Variants in SEMA3E observed in about 807,000 individuals in gnomAD.
SEMA3E encodes the protein semaphorin-3E.
SEMA3E carries 49 observed loss-of-function variants against 93.6 expected under a neutral mutation model. The observed-to-expected ratio is 0.52, with a 90% CI of 0.42 to 0.66. The LOEUF is 0.66. SEMA3E is among the 30% of genes least tolerant of loss of function. SEMA3E has a pLI of 0.00. For missense variants in SEMA3E, 906 were observed against 964.8 expected, an observed-to-expected ratio of 0.94 and a Z score of 0.81; for synonymous variants, 363 against 330.7, an observed-to-expected ratio of 1.10 and a Z score of -1.06.
At chr7:83,521,513 A>G (rs1356152557) in intron 1 of SEMA3E, among the ~76,000 whole-genome samples, 1 of 152,152 alleles carries the variant, frequency 6.6e-6, no homozygotes, top group Middle Eastern at 3.2e-3. Context: ...TTTAAACATG[A>G]GCACTGGCAT....
chr7:83,374,600 C>A (rs1240473126), intron 16 of SEMA3E, among the ~76,000 whole-genome samples: 8 of 152,008 alleles, frequency 5.3e-5, no homozygotes, highest in Middle Eastern at 6.8e-3. Context: ...AACAGTCAAG[C>A]AATGAAATAG....
chr7:83,535,957 G>A (rs1239460587), intron 1 of SEMA3E, among the ~76,000 whole-genome samples: 28 of 152,060 alleles, frequency 1.8e-4, no homozygotes, highest in Non-Finnish European at 1.5e-5. Context: ...AAACCAAGCA[G>A]GATCTCGTTA....
At chr7:83,418,261 C>G in intron 5 of SEMA3E, 129 bp downstream of exon 5, 1 of 738,714 alleles carries the variant, frequency 1.4e-6, no homozygotes, top group Non-Finnish European at 2.4e-6. Context: ...ATCATTGCTT[C>G]GAGCATCAGA....
At chr7:83,569,371 A>T (rs940476320) in intron 1 of SEMA3E, among the ~76,000 whole-genome samples, 1 of 152,156 alleles carries the variant, frequency 6.6e-6, no homozygotes, top group African/African-American at 2.4e-5. Context: ...AAATGACAGG[A>T]TCAAAATTTC....
intron 1 of SEMA3E, among the ~76,000 whole-genome samples, chr7:83,539,845 T>TTTGTTTTG (rs148304621): frequency 0.31 from 32,200 of 102,256 alleles, 3,726 homozygotes; most frequent in East Asian, 0.52. Context: ...TTTGTTTTGT[T>TTTGTTTTG]TTGTTGTTTC....
chr7:83,440,999 T>C (rs1789102758), intron 4 of SEMA3E, among the ~76,000 whole-genome samples: 1 of 152,164 alleles, frequency 6.6e-6, no homozygotes, highest in Non-Finnish European at 1.5e-5. Context: ...TAGTGTGCAA[T>C]GGTAAACCTG....
Position 83,396,544 on chromosome 7 carries a change from TA to T in SEMA3E, c.1458+93del, listed in dbSNP as rs112861931. ...AGCTCTGAATCCACAACATACCTGTTAGGGAAAAAAAAATGGACATAGTATC... is the reference window on the plus strand; with the variant it reads ...AGCTCTGAATCCACAACATACCTGTTGGGAAAAAAAAATGGACATAGTATC... On this transcript the variant is annotated intron_variant, in intron 12 of 16. Transcript: ENST00000643230. The T allele has an allele frequency of 3.9e-3, 2,928 of 745,010 alleles. 71 individuals carry two copies. In the African/African-American group the frequency reaches 0.046, roughly 12 times the overall value. The allele number at this position is 745,010 out of a possible 1,614,324, so 46.1% of individuals were successfully genotyped here.
At chr7:83,610,586 G>A (rs1226593775) in intron 1 of SEMA3E, among the ~76,000 whole-genome samples, 1 of 151,960 alleles carries the variant, frequency 6.6e-6, no homozygotes, top group Admixed American at 6.6e-5. Context: ...TAAATACCTT[G>A]TTAGGGGCTA....
intron 1 of SEMA3E, among the ~76,000 whole-genome samples, chr7:83,599,843 A>G (rs1220168228): frequency 6.6e-6 from 1 of 152,196 alleles, no homozygotes; most frequent in Non-Finnish European, 1.5e-5. Context: ...TTTCAAAACA[A>G]TAAATAGTAC....
chr7:83,520,172 C>A (rs1791015026), intron 1 of SEMA3E, among the ~76,000 whole-genome samples: 1 of 152,130 alleles, frequency 6.6e-6, no homozygotes, highest in Non-Finnish European at 1.5e-5. Flanking sequence ...ACAGATCTTG[C>A]ATTCATTCAC....
intron 1 of SEMA3E, among the ~76,000 whole-genome samples, chr7:83,510,722 A>G (rs2115646002): frequency 6.6e-6 from 1 of 152,294 alleles, no homozygotes; most frequent in Middle Eastern, 3.4e-3. Flanking sequence ...CTATTTATTA[A>G]AACCACAAAA....
chr7:83,577,195 T>G (rs1792422507), intron 1 of SEMA3E, among the ~76,000 whole-genome samples: 1 of 152,184 alleles, frequency 6.6e-6, no homozygotes, highest in African/African-American at 2.4e-5. Flanking sequence ...TAGATATACC[T>G]GTATGACAGA....
intron 4 of SEMA3E, among the ~76,000 whole-genome samples, chr7:83,443,193 A>G (rs1789154850): frequency 6.6e-6 from 1 of 152,222 alleles, no homozygotes; most frequent in South Asian, 2.1e-4. Context: ...ACCTTTGTAC[A>G]GGACCTTTCT....
chr7:83,498,085 A>G (rs1291655544), intron 1 of SEMA3E, among the ~76,000 whole-genome samples: 1 of 142,510 alleles, frequency 7.0e-6, no homozygotes, highest in South Asian at 2.1e-4. Flanking sequence ...ATTTTCTCTT[A>G]TGGTTTTCTT....
At chr7:83,495,809 G>T (rs1365583161) in intron 1 of SEMA3E, among the ~76,000 whole-genome samples, 1 of 151,848 alleles carries the variant, frequency 6.6e-6, no homozygotes, top group South Asian at 2.1e-4. Flanking sequence ...GTGAAAATAA[G>T]AATTCAGGCT....
intron 14 of SEMA3E, among the ~76,000 whole-genome samples, chr7:83,391,056 G>A (rs976124737): frequency 4.6e-5 from 7 of 152,092 alleles, no homozygotes; most frequent in African/African-American, 4.8e-5. Flanking sequence ...GCTGTTATTC[G>A]TGGTTACATT....
chr7:83,428,215 C>T (rs1788811823), intron 4 of SEMA3E, among the ~76,000 whole-genome samples: 2 of 152,144 alleles, frequency 1.3e-5, no homozygotes, highest in African/African-American at 4.8e-5. Context: ...ACATGTGATG[C>T]CAACTCAATA....
chr7:83,387,089 A>C (rs1787896792), intron 14 of SEMA3E, 39 bp from the exon 15 acceptor site: 1 of 1,580,564 alleles, frequency 6.3e-7, no homozygotes. Context: ...TCATTTTTTC[A>C]ATTTTCCAGA....
chr7:83,463,227 C>G (rs1584265430), intron 4 of SEMA3E, among the ~76,000 whole-genome samples: 1 of 151,900 alleles, frequency 6.6e-6, no homozygotes, highest in South Asian at 2.1e-4. Context: ...AATTCTTACA[C>G]AAGAGCCAGG....
Sources: allele counts gnomAD v4.1 joint callset (sites outside exome capture counted in the v4.1 genomes callset), GRCh38; gene constraint gnomAD v4.1.1; transcripts MANE v1.5; gene names NCBI Gene and HGNC (gene_info 2026-07-23, HGNC 2026-07-21).